Variants in OXCT1 observed in about 807,000 individuals in gnomAD.
The protein encoded by OXCT1 is succinyl-CoA:3-ketoacid coenzyme A transferase 1, mitochondrial.
A neutral mutation model predicts 69.6 loss-of-function variants in OXCT1; 27 were observed. That is an observed-to-expected ratio of 0.39 (90% CI 0.29 to 0.54). OXCT1 has a LOEUF of 0.54. Ranked by LOEUF, OXCT1 falls within the 20% of genes least tolerant of loss-of-function variation. The probability of loss-of-function intolerance (pLI) is 0.72; values close to 1 mark genes in which losing one functional copy is unlikely to be tolerated. For synonymous variants in OXCT1, 202 were observed against 217.8 expected, an observed-to-expected ratio of 0.93 and a Z score of 0.64; for missense variants, 437 against 650.2, an observed-to-expected ratio of 0.67 and a Z score of 3.57.
At chr5:41,780,227 A>G (rs1440430500) in intron 13 of OXCT1, among the ~76,000 whole-genome samples, 1 of 152,194 alleles carries the variant, frequency 6.6e-6, no homozygotes, top group East Asian at 1.9e-4. Context: ...AGAAAATTTG[A>G]GATGAAAAGG....
rs143384135 is a variant in OXCT1 at position 41,854,701 on chromosome 5, G to A, written c.279-1147C>T. On this transcript the variant is annotated intron_variant, in intron 3 of 16. Transcript: ENST00000196371. ...TTGTTTTAATGGGGAAGTATTTTTCGTAGCAAAACACTTTTAATGGCAAAA... is the reference window on the plus strand; with the variant it reads ...TTGTTTTAATGGGGAAGTATTTTTCATAGCAAAACACTTTTAATGGCAAAA... Among the ~76,000 whole-genome samples the A allele has an allele frequency of 2.8e-4, 42 of 151,732 alleles. No individual in the cohort carries two copies. In the East Asian group the frequency reaches 3.7e-3, roughly 13 times the overall value.
intron 3 of OXCT1, among the ~76,000 whole-genome samples, chr5:41,859,942 G>T (rs1333762647): frequency 7.4e-6 from 1 of 134,454 alleles, no homozygotes; most frequent in Admixed American, 7.7e-5. Context: ...ATAGGTGTAG[G>T]TACATATGTA....
chr5:41,795,862 T>C (rs1343770578), intron 11 of OXCT1, among the ~76,000 whole-genome samples: 2 of 152,170 alleles, frequency 1.3e-5, no homozygotes, highest in African/African-American at 4.8e-5. Context: ...TGGTTAAGTA[T>C]ATCTCAGTGA....
intron 14 of OXCT1, among the ~76,000 whole-genome samples, chr5:41,755,516 G>A (rs1233760712): frequency 6.6e-6 from 1 of 152,000 alleles, no homozygotes; most frequent in East Asian, 1.9e-4. Flanking sequence ...CTTTCATTTT[G>A]AGCTACTTTT....
At chr5:41,863,180 A>T (rs573869525) in intron 1 of OXCT1, among the ~76,000 whole-genome samples, 1 of 152,316 alleles carries the variant, frequency 6.6e-6, no homozygotes, top group South Asian at 2.1e-4. Flanking sequence ...AACAACTTAT[A>T]TAGGGTTTGG....
chr5:41,741,914 A>G (rs1199872865), intron 15 of OXCT1, among the ~76,000 whole-genome samples: 2 of 152,188 alleles, frequency 1.3e-5, no homozygotes, highest in Admixed American at 1.3e-4. Flanking sequence ...TGACAATTAA[A>G]TTTTTTTAAA....
At chr5:41,789,300 G>A (rs986584795) in intron 13 of OXCT1, among the ~76,000 whole-genome samples, 15 of 152,222 alleles carry the variant, frequency 9.9e-5, no homozygotes, top group African/African-American at 3.6e-4. Context: ...AAAATAGGCA[G>A]TGGGCCAGAT....
intron 5 of OXCT1, among the ~76,000 whole-genome samples, chr5:41,845,973 T>C (rs1488353963): frequency 2.6e-5 from 4 of 152,134 alleles, no homozygotes; most frequent in Non-Finnish European, 1.5e-5. Context: ...TTTAAAAATA[T>C]ATGCAGTACT....
chr5:41,733,656 T>C (rs1466723911), intron 16 of OXCT1, among the ~76,000 whole-genome samples: 1 of 152,212 alleles, frequency 6.6e-6, no homozygotes, highest in Non-Finnish European at 1.5e-5. Flanking sequence ...ATCTGATCCT[T>C]TTCCTTGTCA....
intron 7 of OXCT1, among the ~76,000 whole-genome samples, chr5:41,825,691 A>C (rs188295306): frequency 5.5e-4 from 84 of 152,232 alleles, no homozygotes; most frequent in African/African-American, 1.9e-3. Flanking sequence ...ATTCAAAAGA[A>C]GTCATATGGC....
chr5:41,751,801 A>G (rs1289553157), intron 14 of OXCT1, among the ~76,000 whole-genome samples: 1 of 152,170 alleles, frequency 6.6e-6, no homozygotes, highest in African/African-American at 2.4e-5. Flanking sequence ...ATTTGGGGGC[A>G]AACCATATGG....
intron 7 of OXCT1, among the ~76,000 whole-genome samples, chr5:41,810,309 C>T (rs1480224025): frequency 6.6e-6 from 1 of 151,994 alleles, no homozygotes; most frequent in African/African-American, 2.4e-5. Context: ...TAAAAGATCC[C>T]TTACTAAAGA....
At chr5:41,823,573 T>A (rs1479793950) in intron 7 of OXCT1, among the ~76,000 whole-genome samples, 1 of 152,218 alleles carries the variant, frequency 6.6e-6, no homozygotes, top group Non-Finnish European at 1.5e-5. Context: ...GTGGCAGTGG[T>A]TTGCCCTGTG....
intron 7 of OXCT1, among the ~76,000 whole-genome samples, chr5:41,820,251 T>G (rs1242654114): frequency 6.6e-6 from 1 of 152,196 alleles, no homozygotes; most frequent in Admixed American, 6.5e-5. Context: ...AGTTATCAAG[T>G]GTTTAAAGTA....
At chr5:41,758,551 G>C (rs1744196254) in intron 14 of OXCT1, among the ~76,000 whole-genome samples, 1 of 151,570 alleles carries the variant, frequency 6.6e-6, no homozygotes, top group South Asian at 2.1e-4. Flanking sequence ...GGTGGAGGGA[G>C]CCACTGAGTG....
intron 14 of OXCT1, among the ~76,000 whole-genome samples, chr5:41,756,812 A>G (rs1358478538): frequency 6.6e-6 from 1 of 152,104 alleles, no homozygotes; most frequent in Non-Finnish European, 1.5e-5. Context: ...TGAGGCAGTG[A>G]GCCATGTGGA....
intron 7 of OXCT1, among the ~76,000 whole-genome samples, chr5:41,813,902 T>A (rs760096695): frequency 6.6e-6 from 1 of 152,134 alleles, no homozygotes; most frequent in Non-Finnish European, 1.5e-5. Flanking sequence ...TAGTTGTATT[T>A]CATCTGATCA....
intron 15 of OXCT1, among the ~76,000 whole-genome samples, chr5:41,740,707 C>A (rs929005422): frequency 6.6e-6 from 1 of 152,152 alleles, no homozygotes; most frequent in Non-Finnish European, 1.5e-5. Flanking sequence ...CTTGCAGTGG[C>A]AGGAGGCTCA....
At chr5:41,847,709 G>A (rs1056211818) in intron 5 of OXCT1, among the ~76,000 whole-genome samples, 2 of 152,164 alleles carry the variant, frequency 1.3e-5, no homozygotes, top group Non-Finnish European at 2.9e-5. Context: ...ATGCAGAAAA[G>A]ACCGTGACAA....
Sources: allele counts gnomAD v4.1 joint callset (sites outside exome capture counted in the v4.1 genomes callset), GRCh38; gene constraint gnomAD v4.1.1; transcripts MANE v1.5; gene names NCBI Gene and HGNC (gene_info 2026-07-23, HGNC 2026-07-21).